Variants in RASSF3 observed in about 807,000 individuals in gnomAD.
RASSF3 encodes the protein ras association domain-containing protein 3.
RASSF3 carries 19 observed loss-of-function variants against 19.9 expected under a neutral mutation model. The ratio of observed to expected loss-of-function variants is 0.96; its 90% CI spans 0.67 to 1.40. The LOEUF (loss-of-function observed/expected upper bound fraction) is 1.40, where lower values mean the gene tolerates loss of function less well. RASSF3 is among the 40% of genes most tolerant of loss of function. RASSF3 has a pLI of 0.00. For synonymous variants in RASSF3, 110 were observed against 104.2 expected, an observed-to-expected ratio of 1.06 and a Z score of -0.34; for missense variants, 306 against 289.8, an observed-to-expected ratio of 1.06 and a Z score of -0.41.
At chr12:64,538,658 A>C (rs1266925389) in intron 1 of RASSF3, among the ~76,000 whole-genome samples, 2 of 152,132 alleles carry the variant, frequency 1.3e-5, no homozygotes, top group East Asian at 3.8e-4. Flanking sequence ...CACAAAAAAA[A>C]ACACAAATAA....
intron 1 of RASSF3, among the ~76,000 whole-genome samples, chr12:64,661,278 G>A (rs1482631679): frequency 2.0e-5 from 3 of 152,174 alleles, no homozygotes; most frequent in African/African-American, 7.2e-5. Flanking sequence ...AGGCCAAGGC[G>A]GGAGGATCAC....
chr12:64,558,129 T>G (rs73317530), intron 2 of RASSF3, among the ~76,000 whole-genome samples: 2,188 of 152,308 alleles, frequency 0.014, 53 homozygotes, highest in African/African-American at 0.05. Context: ...AGTGCCATAC[T>G]GAGGGCCTGT....
intron 2 of RASSF3, among the ~76,000 whole-genome samples, chr12:64,582,020 C>G (rs1164503524): frequency 6.6e-6 from 1 of 151,998 alleles, no homozygotes; most frequent in Non-Finnish European, 1.5e-5. Flanking sequence ...AGGCATGCCC[C>G]ACCACACTCG....
chr12:64,587,737 C>A (rs1869838905), intron 2 of RASSF3, among the ~76,000 whole-genome samples: 1 of 152,132 alleles, frequency 6.6e-6, no homozygotes, highest in Non-Finnish European at 1.5e-5. Context: ...TACTAGGATG[C>A]AAGGTCCTGG....
chr12:64,614,339 G>A (rs1565850237), intron 1 of RASSF3, among the ~76,000 whole-genome samples: 1 of 152,024 alleles, frequency 6.6e-6, no homozygotes, highest in Non-Finnish European at 1.5e-5. Context: ...TGTTGGCCAG[G>A]CTGGTCTTGA....
chr12:64,510,767 G>A (rs1868323530), intron 1 of RASSF3, among the ~76,000 whole-genome samples: 1 of 152,194 alleles, frequency 6.6e-6, no homozygotes, highest in Admixed American at 6.5e-5. Flanking sequence ...GGGTGTATGA[G>A]AAAAGCCCAC....
chr12:64,681,210 A>G (rs1411153587), intron 1 of RASSF3, among the ~76,000 whole-genome samples: 2 of 152,186 alleles, frequency 1.3e-5, no homozygotes, highest in Admixed American at 6.5e-5. Context: ...CCTAGGATGT[A>G]TGTATGCTGC....
chr12:64,693,833 A>T (rs1206156322), intron 4 of RASSF3, among the ~76,000 whole-genome samples: 1 of 152,226 alleles, frequency 6.6e-6, no homozygotes, highest in African/African-American at 2.4e-5. Context: ...AGCGAGAAGT[A>T]CGGCAGCTGT....
chr12:64,556,834 CTTTTT>C (rs5798747), intron 2 of RASSF3, among the ~76,000 whole-genome samples: 6 of 114,390 alleles, frequency 5.2e-5, no homozygotes, highest in Non-Finnish European at 7.2e-5. Flanking sequence ...CCCCCTACCC[CTTTTT>C]TTTTTTTTTT....
At chr12:64,668,518 C>G (rs1872596693) in intron 1 of RASSF3, among the ~76,000 whole-genome samples, 1 of 152,070 alleles carries the variant, frequency 6.6e-6, no homozygotes, top group South Asian at 2.1e-4. Context: ...AGCGATCTGC[C>G]TGACTTAGGC....
intron 1 of RASSF3, among the ~76,000 whole-genome samples, chr12:64,662,037 T>C (rs955554027): frequency 3.3e-5 from 5 of 151,620 alleles, no homozygotes; most frequent in African/African-American, 9.7e-5. Flanking sequence ...TGCCAAGCCT[T>C]GCTCTAGATG....
chr12:64,668,427 A>G (rs920747681), intron 1 of RASSF3, among the ~76,000 whole-genome samples: 1 of 152,056 alleles, frequency 6.6e-6, no homozygotes, highest in East Asian at 1.9e-4. Context: ...ACGTGCCATC[A>G]CACCTGGCTA....
At chr12:64,597,400 G>T (rs1370055310) in intron 2 of RASSF3, among the ~76,000 whole-genome samples, 4 of 150,830 alleles carry the variant, frequency 2.7e-5, no homozygotes, top group Non-Finnish European at 4.4e-5. Context: ...CAAAATGTTG[G>T]GATTACAGGC....
intron 2 of RASSF3, among the ~76,000 whole-genome samples, chr12:64,577,598 G>A (rs1388357576): frequency 6.6e-6 from 1 of 152,116 alleles, no homozygotes; most frequent in African/African-American, 2.4e-5. Flanking sequence ...TGGGTGTAGT[G>A]GCAGGCTCCT....
At chr12:64,519,531 T>C (rs1868424636) in intron 1 of RASSF3, among the ~76,000 whole-genome samples, 1 of 152,104 alleles carries the variant, frequency 6.6e-6, no homozygotes, top group Non-Finnish European at 1.5e-5. Flanking sequence ...ACTTTACATT[T>C]TATTGGGATG....
At chr12:64,623,963 G>T (rs1351740063) in intron 1 of RASSF3, among the ~76,000 whole-genome samples, 3 of 150,864 alleles carry the variant, frequency 2.0e-5, no homozygotes, top group African/African-American at 7.5e-5. Flanking sequence ...TTCTGTTTTA[G>T]AATTGCTTTC....
intron 1 of RASSF3, among the ~76,000 whole-genome samples, chr12:64,625,501 C>A (rs1870956142): frequency 6.6e-6 from 1 of 151,278 alleles, no homozygotes; most frequent in Non-Finnish European, 1.5e-5. Flanking sequence ...ATCACGGGAT[C>A]CTGGTTAGTT....
At chr12:64,617,808 C>T (rs149097828) in intron 1 of RASSF3, among the ~76,000 whole-genome samples, 2,095 of 152,200 alleles carry the variant, frequency 0.014, 48 homozygotes, top group African/African-American at 0.048. Context: ...CTGCCCGCCT[C>T]GGCCTCCCAA....
chr12:64,566,516 G>T (rs1592402789), intron 2 of RASSF3, among the ~76,000 whole-genome samples: 1 of 152,186 alleles, frequency 6.6e-6, no homozygotes, highest in South Asian at 2.1e-4. Context: ...GGTCCTGAAA[G>T]GAGAGACAGA....
Sources: allele counts gnomAD v4.1 joint callset (sites outside exome capture counted in the v4.1 genomes callset), GRCh38; gene constraint gnomAD v4.1.1; transcripts MANE v1.5; gene names NCBI Gene and HGNC (gene_info 2026-07-23, HGNC 2026-07-21).